Variants in PARD3 observed in about 807,000 individuals in gnomAD.
PARD3 encodes partitioning defective 3 homolog.
PARD3 carries 75 observed loss-of-function variants against 155.4 expected under a neutral mutation model. The ratio of observed to expected loss-of-function variants is 0.48; its 90% CI spans 0.40 to 0.58. The LOEUF is 0.58. Ranked by LOEUF, PARD3 falls within the 20% of genes least tolerant of loss-of-function variation. PARD3 has a pLI of 0.00. For missense variants in PARD3, 1,642 were observed against 1,721.7 expected (o/e 0.95, Z 0.82); for synonymous variants, 576 against 610.5 (o/e 0.94, Z 0.83).
At chr10:34,762,046 C>T (rs1356841668) in intron 1 of PARD3, among the ~76,000 whole-genome samples, 1 of 152,086 alleles carries the variant, frequency 6.6e-6, no homozygotes, top group South Asian at 2.1e-4. Context: ...CTAGTTTACA[C>T]CCATACTTTT....
chr10:34,289,306 C>A (rs1220022133), intron 20 of PARD3, among the ~76,000 whole-genome samples: 1 of 152,144 alleles, frequency 6.6e-6, no homozygotes, highest in Non-Finnish European at 1.5e-5. Context: ...TCTCCTGCCT[C>A]AGCCTCCCAA....
chr10:34,632,130 G>C (rs1461279204), intron 2 of PARD3, among the ~76,000 whole-genome samples: 2 of 152,180 alleles, frequency 1.3e-5, no homozygotes, highest in Non-Finnish European at 2.9e-5. Flanking sequence ...GTGGTGGCAG[G>C]CACCTGTAAT....
At chr10:34,804,029 G>GT (rs1843087664) in intron 1 of PARD3, among the ~76,000 whole-genome samples, 1 of 129,336 alleles carries the variant, frequency 7.7e-6, no homozygotes, top group African/African-American at 3.5e-5. Flanking sequence ...TACTTGATTT[G>GT]TTTTTGTTTT....
chr10:34,657,693 C>T (rs2093212716), intron 2 of PARD3, among the ~76,000 whole-genome samples: 1 of 152,132 alleles, frequency 6.6e-6, no homozygotes, highest in East Asian at 1.9e-4. Context: ...CACACGCCAC[C>T]ACGCCTGGCT....
intron 20 of PARD3, among the ~76,000 whole-genome samples, chr10:34,297,723 T>C (rs899454110): frequency 2.0e-5 from 3 of 152,106 alleles, no homozygotes; most frequent in African/African-American, 7.2e-5. Context: ...CAGCCCAGAG[T>C]TACAAAGCAG....
At chr10:34,336,621 A>T (rs1312611648) in intron 17 of PARD3, among the ~76,000 whole-genome samples, 1 of 152,148 alleles carries the variant, frequency 6.6e-6, no homozygotes, top group Non-Finnish European at 1.5e-5. Flanking sequence ...TTCAGTGTAT[A>T]AATATAATTA....
chr10:34,347,047 G>T (rs1048530198), intron 15 of PARD3, among the ~76,000 whole-genome samples: 11 of 152,120 alleles, frequency 7.2e-5, no homozygotes, highest in Non-Finnish European at 1.6e-4. Flanking sequence ...ATAAATTACT[G>T]TTTCAATGAG....
chr10:34,814,683 G>C (rs542071788), intron 1 of PARD3, among the ~76,000 whole-genome samples, 193 bp downstream of exon 1: 3 of 151,914 alleles, frequency 2.0e-5, no homozygotes, highest in South Asian at 4.2e-4. Context: ...TGTCCCAGAG[G>C]CTGCGCCCCG....
intron 2 of PARD3, among the ~76,000 whole-genome samples, chr10:34,575,990 T>G (rs943054860): frequency 1.3e-5 from 2 of 152,226 alleles, no homozygotes; most frequent in Non-Finnish European, 2.9e-5. Context: ...TTAGCCATCT[T>G]TCTTTTCTAC....
chr10:34,204,906 T>C (rs1461525790), intron 22 of PARD3, among the ~76,000 whole-genome samples: 1 of 152,214 alleles, frequency 6.6e-6, no homozygotes, highest in East Asian at 1.9e-4. Flanking sequence ...TTAATTTTTA[T>C]AATCATATTA....
intron 5 of PARD3, among the ~76,000 whole-genome samples, chr10:34,413,738 T>C (rs1845366893): frequency 6.6e-6 from 1 of 151,988 alleles, no homozygotes; most frequent in South Asian, 2.1e-4. Context: ...ATCACCCCTA[T>C]ATATGAGGAT....
intron 11 of PARD3, among the ~76,000 whole-genome samples, chr10:34,373,995 T>C (rs1450887838): frequency 6.6e-6 from 1 of 152,142 alleles, no homozygotes; most frequent in Admixed American, 6.6e-5. Context: ...TAATTTTTGT[T>C]TAGCACTAAG....
intron 1 of PARD3, among the ~76,000 whole-genome samples, chr10:34,777,057 T>C (rs1311978405): frequency 6.7e-6 from 1 of 150,054 alleles, no homozygotes; most frequent in African/African-American, 2.5e-5. Flanking sequence ...TTCACCATGT[T>C]GGCCAGGCTG....
intron 2 of PARD3, among the ~76,000 whole-genome samples, chr10:34,684,009 T>C (rs1023091567): frequency 1.3e-5 from 2 of 152,344 alleles, no homozygotes; most frequent in Admixed American, 6.5e-5. Flanking sequence ...TAGGAGGAAA[T>C]GAATAAAGTC....
At chr10:34,783,268 T>C (rs1264357981) in intron 1 of PARD3, among the ~76,000 whole-genome samples, 1 of 152,142 alleles carries the variant, frequency 6.6e-6, no homozygotes, top group African/African-American at 2.4e-5. Context: ...TCCATTTTTA[T>C]TTGGAATAGT....
At chr10:34,797,026 T>C (rs1200229022) in intron 1 of PARD3, among the ~76,000 whole-genome samples, 3 of 152,140 alleles carry the variant, frequency 2.0e-5, no homozygotes, top group African/African-American at 7.2e-5. Flanking sequence ...TCCATGGACA[T>C]AAAAATTGTC....
intron 20 of PARD3, among the ~76,000 whole-genome samples, chr10:34,294,712 T>A (rs1448222120): frequency 6.6e-6 from 1 of 152,208 alleles, no homozygotes; most frequent in African/African-American, 2.4e-5. Context: ...GTGGAAAAAC[T>A]GCTAAGAATT....
intron 4 of PARD3, among the ~76,000 whole-genome samples, chr10:34,468,423 T>A (rs1033185252): frequency 1.1e-4 from 17 of 152,322 alleles, no homozygotes; most frequent in South Asian, 4.1e-4. Flanking sequence ...GTTAAAAAAA[T>A]TTTTTTAAAC....
At position 34,358,831 on chromosome 10, in the gene PARD3, G is replaced by T. The variant is rs139897086; in HGVS notation, c.2067+316C>A. On this transcript the variant is annotated intron_variant, in intron 14 of 24. Coordinates refer to ENST00000374788, the MANE Select transcript of PARD3 (RefSeq NM_001184785.2). ...CCAGGTATAACTCTGCCAACTAGAA[G>T]AGAAACTGTTGGCTCTGAGAAGGAA... Among the ~76,000 whole-genome samples, 58 of 152,344 alleles carry T rather than the reference G, an allele frequency of 3.8e-4. No homozygotes were observed. The East Asian group carries it at 0.011, about 29-fold the overall frequency.
Sources: allele counts gnomAD v4.1 joint callset (sites outside exome capture counted in the v4.1 genomes callset), GRCh38; gene constraint gnomAD v4.1.1; transcripts MANE v1.5; gene names NCBI Gene and HGNC (gene_info 2026-07-23, HGNC 2026-07-21).